The following CORO7 variants were observed in gnomAD, a reference collection of about 807,000 sequenced individuals.
CORO7 encodes coronin 7, also known as coronin-7.
CORO7 carries 107 observed loss-of-function variants against 126.6 expected under a neutral mutation model. The observed-to-expected ratio is 0.85, with a 90% CI of 0.72 to 0.99. The LOEUF is 0.99. Among genes scored for constraint, CORO7 ranks in the 50% least tolerant of loss-of-function variants. CORO7 has a pLI of 0.00. For synonymous variants in CORO7, 603 were observed against 536.8 expected (o/e 1.12, Z -1.70); for missense variants, 1,314 against 1,255.8 (o/e 1.05, Z -0.70).
In CORO7 at chr16:4,364,869, C is replaced by T. The variant is rs556405302; in HGVS notation, c.950G>A (p.Arg317Gln). ...SVLRGAALVPRQALAVMSCEV... is the reference protein window; with the variant it reads ...SVLRGAALVPQQALAVMSCEV... ...GCAGCTCATGACGGCCAGCGCCTGC[C>T]GGGGCACAAGGGCAGCCCCACGCAG... The change falls in exon 12 of 28, where the codon CGG becomes CAG. Residue 317 changes from arginine to glutamine, a missense_variant. Transcript: ENST00000251166. 229 of 1,611,804 alleles carry T rather than the reference C, an allele frequency of 1.4e-4. 1 individual carries two copies. Among genetic ancestry groups the T allele is most frequent in the Admixed American group, 7.5e-4 (45 of 59,924 alleles).
Position 4,388,122 on chromosome 16 carries a change from G to A in CORO7, c.703-54C>T, listed in dbSNP as rs1444251193. 1.3e-5 allele frequency: 20 copies of A among 1,568,982 alleles called. No individual in the cohort carries two copies. In the East Asian group the frequency reaches 1.9e-4, roughly 15 times the overall value. ...AGGGGCCTGTCCCTCAGCCCCACCC[G>A]GGGGGCTCCCAGGGAAACCAGCGCC... is the stretch of plus-strand genomic sequence containing the variant. On this transcript the variant is annotated intron_variant, in intron 8 of 27. Coordinates refer to ENST00000251166, the MANE Select transcript of CORO7 (RefSeq NM_024535.5).
At position 4,405,542 on chromosome 16, in the gene CORO7, C is replaced by A. The variant is rs1266741079; in HGVS notation, c.513G>T (p.Val171=). The A allele has an allele frequency of 5.6e-6, 9 of 1,612,970 alleles. No individual in the cohort carries two copies. Among genetic ancestry groups the A allele is most frequent in the Non-Finnish European group, 6.8e-6 (8 of 1,179,886 alleles). ...CATCTCGGCTCCAGACGGCGCTCTG[C>A]ACCAGGTCCCCATGGGCTGCCAGCT... ...LTELAAHGDL[V]QSAVWSRDGA... The change falls in exon 6 of 28, where the codon GTG becomes GTT. Residue 171 remains valine, a synonymous_variant. Coordinates refer to ENST00000251166, the MANE Select transcript of CORO7 (RefSeq NM_024535.5).
chr16:4,355,465 G>C (rs878859533), intron 26 of CORO7, 93 bp from the exon 27 acceptor site: 23 of 1,256,636 alleles, frequency 1.8e-5, no homozygotes, highest in South Asian at 3.0e-5. Flanking sequence ...GCTGTGAAAA[G>C]AACTTTTTTT....
At chr16:4,403,312 C>G (rs1175017159) in intron 6 of CORO7, among the ~76,000 whole-genome samples, 2 of 152,126 alleles carry the variant, frequency 1.3e-5, no homozygotes, top group Admixed American at 1.3e-4. Context: ...GTGTAGGATG[C>G]CCCCACCAGG....
intron 9 of CORO7, among the ~76,000 whole-genome samples, chr16:4,386,046 G>A (rs1175751603): frequency 6.6e-6 from 1 of 152,208 alleles, no homozygotes; most frequent in Non-Finnish European, 1.5e-5. Context: ...CTTCCAGGAC[G>A]CCTGGGGGTG....
intron 1 of CORO7, chr16:4,416,080 G>A (rs2056400078): frequency 4.1e-6 from 1 of 244,058 alleles, no homozygotes. Flanking sequence ...CAGGGAGGAG[G>A]AGCCAGGCGC....
intron 5 of CORO7, 142 bp from the exon 6 acceptor site, chr16:4,405,709 G>A: frequency 1.0e-6 from 1 of 964,958 alleles, no homozygotes; most frequent in East Asian, 2.7e-5. Context: ...AAGGGCAGCA[G>A]CTTCTCCCAG....
intron 1 of CORO7, 40 bp from the exon 2 acceptor site, chr16:4,413,444 G>C (rs2056289708): frequency 6.5e-7 from 1 of 1,542,658 alleles, no homozygotes; most frequent in Non-Finnish European, 8.8e-7. Flanking sequence ...TGAGAGCCAG[G>C]GTTCCACCTC....
At chr16:4,377,730 A>G (rs923564678) in intron 9 of CORO7, among the ~76,000 whole-genome samples, 1 of 152,088 alleles carries the variant, frequency 6.6e-6, no homozygotes, top group Non-Finnish European at 1.5e-5. Flanking sequence ...TGTAGCTTAC[A>G]AACTCTGGGG....
chr16:4,363,104 C>T (rs922039418), intron 14 of CORO7: 1 of 177,996 alleles, frequency 5.6e-6, no homozygotes, highest in African/African-American at 2.4e-5. Flanking sequence ...CTTCTTTATG[C>T]TCCACGTGTT....
chr16:4,372,720 G>T (rs1041191241), intron 9 of CORO7, among the ~76,000 whole-genome samples: 3 of 152,298 alleles, frequency 2.0e-5, no homozygotes, highest in African/African-American at 7.2e-5. Context: ...TGTGGTCACT[G>T]GCAGGCCAGC....
At chr16:4,398,220 T>G (rs534662613) in intron 6 of CORO7, among the ~76,000 whole-genome samples, 7 of 152,280 alleles carry the variant, frequency 4.6e-5, no homozygotes, top group Admixed American at 2.0e-4. Flanking sequence ...AGGCCTGGTT[T>G]GAATATACAT....
chr16:4,377,821 C>G (rs550394177), intron 9 of CORO7, among the ~76,000 whole-genome samples: 1 of 152,292 alleles, frequency 6.6e-6, no homozygotes, highest in South Asian at 2.1e-4. Context: ...AAGAGCTCAC[C>G]GCACATTTTA....
chr16:4,357,190 G>C lies in CORO7; in HGVS notation c.2663C>G (p.Ser888Cys). The C allele has an allele frequency of 6.2e-7, 1 of 1,613,874 alleles. No homozygotes were observed. Among genetic ancestry groups the C allele is most frequent in the Non-Finnish European group, 8.5e-7 (1 of 1,180,002 alleles). ...PSSAQYLEEKSDQQKKEELLN... is the reference protein window; with the variant it reads ...PSSAQYLEEKCDQQKKEELLN... ...TACCTCCTCCTTCTTTTGCTGGTCA[G>C]ACTTTTCTTCCAGGTACTGCGCTGA... Residue 888 changes from serine (S) to cysteine (C), a missense_variant, in exon 26 of 28, where the codon TCT (serine) becomes TGT (cysteine). Ser to Cys is a moderately radical substitution (Grantham distance 112). Coordinates refer to ENST00000251166, the MANE Select transcript of CORO7 (RefSeq NM_024535.5).
chr16:4,355,378 A>G lies in CORO7; in HGVS notation c.2686-6T>C. ...GCCACCATGGCATTCAGCAGCTGGG[A>G]GAGAGGGCAGAAGAAGGGTAGGTAA... On this transcript the variant is annotated splice_region_variant and splice_polypyrimidine_tract_variant and intron_variant, in intron 26 of 27. Transcript: ENST00000251166. The G allele has an allele frequency of 6.2e-7, 1 of 1,607,000 alleles. No homozygotes were observed. Among genetic ancestry groups the G allele is most frequent in the Non-Finnish European group, 8.5e-7 (1 of 1,178,964 alleles).
At chr16:4,412,638 C>G (rs970645550) in intron 2 of CORO7, 2 of 575,688 alleles carry the variant, frequency 3.5e-6, no homozygotes, top group South Asian at 4.4e-5. Context: ...CAGATGGATA[C>G]AGAAGACATT....
intron 1 of CORO7, 60 bp from the exon 2 acceptor site, chr16:4,413,464 C>T: frequency 6.7e-7 from 1 of 1,490,806 alleles, no homozygotes; most frequent in Non-Finnish European, 9.1e-7. Flanking sequence ...CCATGCATGC[C>T]TAAAGCAAGA....
rs370609715 is a variant in CORO7 at position 4,416,490 on chromosome 16, C to T, written c.29G>A (p.Arg10Gln). The change falls in exon 1 of 28, where the codon CGG becomes CAG. Residue 10 changes from arginine (R) to glutamine (Q), a missense_variant. Transcript: ENST00000251166. ...GCGGGGCGGCCGAGCCTCGGTGTGC[C>T]GGAACTTGGACACCCTGAAGCGGTT... MNRFRVSKF[R>Q]HTEARPPRRE... is the part of the protein sequence containing the mutation. The T allele has an allele frequency of 1.8e-5, 29 of 1,579,414 alleles. No individual in the cohort carries two copies. The highest frequency in any genetic ancestry group is 2.1e-5 in the Non-Finnish European group (25 of 1,166,076).
chr16:4,402,813 C>G (rs1019460236), intron 6 of CORO7, among the ~76,000 whole-genome samples: 1 of 152,224 alleles, frequency 6.6e-6, no homozygotes, highest in Non-Finnish European at 1.5e-5. Context: ...CGCAGCAGGC[C>G]GGAATGGGCC....
Sources: allele counts gnomAD v4.1 joint callset (sites outside exome capture counted in the v4.1 genomes callset), GRCh38; gene constraint gnomAD v4.1.1; transcripts MANE v1.5; gene names NCBI Gene and HGNC (gene_info 2026-07-23, HGNC 2026-07-21).